Variants in B4GALT7 observed in about 807,000 individuals in gnomAD.
B4GALT7 encodes the protein UDP-Gal:beta-GlcNAc beta-1,4-galactosyltransferase 7.
In B4GALT7, 30 loss-of-function variants were observed where a neutral mutation model predicts 33.0. The observed-to-expected ratio is 0.91, with a 90% CI of 0.68 to 1.23. The LOEUF is 1.23. Among genes scored for constraint, B4GALT7 ranks in the 50% most tolerant of loss-of-function variants. The pLI, the probability that B4GALT7 is intolerant of heterozygous loss-of-function variation, is 0.00. For missense variants in B4GALT7, 507 were observed against 450.8 expected, an observed-to-expected ratio of 1.12 and a Z score of -1.13; for synonymous variants, 213 against 187.2, an observed-to-expected ratio of 1.14 and a Z score of -1.13.
Position 177,607,256 on chromosome 5 carries a change from G to T in B4GALT7, c.414-46G>T, listed in dbSNP as rs1384105610. 3.9e-5 allele frequency: 60 copies of T among 1,531,140 alleles called. 2 individuals carry two copies. Among genetic ancestry groups the T allele is most frequent in the Non-Finnish European group, 5.0e-5 (57 of 1,131,524 alleles). The allele number at this position is 1,531,140 out of a possible 1,614,324, so 94.8% of individuals were successfully genotyped here. A position where few individuals can be genotyped will look rare whatever the true frequency, so the allele number is the denominator to read the frequency against. On this transcript the variant is annotated intron_variant, in intron 2 of 5. Transcript: ENST00000029410. ...CCGGGTGGGTGCTGAGCCCCAGGCA[G>T]TGAGCCCGTGTGCTGCCCCTGCCCA...
chr5:177,608,912 T>A lies in B4GALT7; in HGVS notation c.726T>A (p.Leu242=), dbSNP rs367964168. 7.4e-6 allele frequency: 12 copies of A among 1,613,360 alleles called. No homozygotes were observed. Among genetic ancestry groups the A allele is most frequent in the Non-Finnish European group, 1.0e-5 (12 of 1,179,864 alleles). The change falls in exon 5 of 6, where the codon CTT becomes CTA. Residue 242 remains leucine, a splice_region_variant and synonymous_variant. Transcript: ENST00000029410. This position sits in a 1 kb window ranked among gnomAD's most constrained non-coding sequence, Gnocchi z 4.1. ...YRRIKGAGLQ[L]FRPSGITTGY... ...CCGACTTCCTTGGACCTCCCTAGCT[T>A]TTCCGCCCCTCGGGAATCACAACTG...
At chr5:177,604,024 C>T in intron 1 of B4GALT7, 155 bp from the exon 2 acceptor site, 1 of 1,094,512 alleles carries the variant, frequency 9.1e-7, no homozygotes, top group Non-Finnish European at 1.3e-6. Context: ...ATGGTAGTGG[C>T]ATGAGCAGAA....
In B4GALT7 at chr5:177,608,977, G is replaced by T. The variant is rs375644526; in HGVS notation, c.791G>T (p.Arg264Leu). Residue 264 changes from arginine to leucine, a missense_variant, in exon 5 of 6, where the codon CGG becomes CTG. Physicochemically the swap from Arg to Leu is moderately radical, Grantham distance 102. Transcript: ENST00000029410. This position sits in a 1 kb window ranked among gnomAD's most constrained non-coding sequence, Gnocchi z 4.1. Reference protein sequence around the residue: ...TFRHLHDPAWRKRDQKRIAAQ... With the variant: ...TFRHLHDPAWLKRDQKRIAAQ... ...CGCCACCTGCATGACCCAGCCTGGC[G>T]GAAGAGGGACCAGAAGCGCATCGCA... 1.2e-6 allele frequency: 2 copies of T among 1,613,060 alleles called. No individual in the cohort carries two copies.
chr5:177,609,868 C>T lies in B4GALT7; in HGVS notation c.*173C>T, dbSNP rs562539881. The T allele has an allele frequency of 7.3e-4, 585 of 800,168 alleles. 2 individuals carry two copies. The African/African-American group carries it at 8.8e-3, about 12-fold the overall frequency. The allele number at this position is 800,168 out of a possible 1,614,324, so 49.6% of individuals were successfully genotyped here. A position where few individuals can be genotyped will look rare whatever the true frequency, so the allele number is the denominator to read the frequency against. Reference sequence around the variant, plus strand: ...AAGGCAGGCTTGGGCTGGGCCAGGACACGTGGGGTGCCTGGGACGCTGCTT... The same window carrying T: ...AAGGCAGGCTTGGGCTGGGCCAGGATACGTGGGGTGCCTGGGACGCTGCTT... On this transcript the variant is annotated 3_prime_UTR_variant, in exon 6 of 6. Transcript: ENST00000029410.
rs929915440 is a variant in B4GALT7, at chr5:177,609,464, G to A, written c.829-76G>A. On this transcript the variant is annotated intron_variant, in intron 5 of 5. Coordinates refer to ENST00000029410, the MANE Select transcript of B4GALT7 (RefSeq NM_007255.3). ...TGGGGACCACAGGACCTCTGATGGC[G>A]AGGTTGTGTGGGGTCAGTGGGTAGC... 59 of 1,568,178 alleles carry A rather than the reference G, an allele frequency of 3.8e-5. No individual in the cohort carries two copies. The South Asian group carries it at 5.7e-4, about 15-fold the overall frequency.
At chr5:177,609,514 G>C in intron 5 of B4GALT7, 26 bp from the exon 6 acceptor site, 3 of 1,612,298 alleles carry the variant, frequency 1.9e-6, no homozygotes, top group Non-Finnish European at 2.5e-6. Context: ...CCCTGAGTCC[G>C]TGCTCTTTCC....
chr5:177,609,020 G>A lies in B4GALT7; in HGVS notation c.828+6G>A, dbSNP rs772709358. On this transcript the variant is annotated splice_donor_region_variant and intron_variant, in intron 5 of 5. Transcript: ENST00000029410. ...GCATCGCAGCTCAAAAACAGGTGCT[G>A]GCAGGGCTCCTCATTGGGGACAGAT... The A allele has an allele frequency of 1.2e-6, 2 of 1,608,390 alleles. No individual in the cohort carries two copies. Among genetic ancestry groups the A allele is most frequent in the Admixed American group, 1.7e-5 (1 of 60,018 alleles).
intron 2 of B4GALT7, among the ~76,000 whole-genome samples, chr5:177,604,758 A>G (rs968850428): frequency 2.0e-5 from 3 of 152,168 alleles, no homozygotes; most frequent in Non-Finnish European, 4.4e-5. Context: ...TACCAGGGCA[A>G]GAGGAGAAGC....
chr5:177,605,423 C>T (rs1207493834), intron 2 of B4GALT7, among the ~76,000 whole-genome samples: 1 of 152,258 alleles, frequency 6.6e-6, no homozygotes, highest in Non-Finnish European at 1.5e-5. Context: ...TTCCTCTGGT[C>T]TGTCCACTGC....
chr5:177,602,735 T>G, intron 1 of B4GALT7: 1 of 705,422 alleles, frequency 1.4e-6, no homozygotes, highest in Non-Finnish European at 1.7e-6. Flanking sequence ...GGCCAGGTCA[T>G]GGAGGGCTTT....
At chr5:177,607,694 G>A in intron 3 of B4GALT7, 167 bp downstream of exon 3, 2 of 682,058 alleles carry the variant, frequency 2.9e-6, no homozygotes, top group South Asian at 3.6e-5. Context: ...GAGCCAGTCA[G>A]CCGCAGCAGC....
intron 2 of B4GALT7, chr5:177,605,148 A>AC: frequency 2.5e-6 from 1 of 393,202 alleles, no homozygotes. Context: ...TTTCCCTGCC[A>AC]CCCTTCTTGT....
chr5:177,608,496 C>T lies in B4GALT7; in HGVS notation c.640-43C>T, dbSNP rs201915523. The T allele has an allele frequency of 1.9e-5, 30 of 1,562,686 alleles. No homozygotes were observed. Among genetic ancestry groups the T allele is most frequent in the South Asian group, 1.1e-4 (10 of 89,646 alleles). ...CGGTAGGAGACCAAAGGCCCCCCCC[C>T]CCGGGAAGATGGGCCGAGTGACGCT... On this transcript the variant is annotated intron_variant, in intron 3 of 5. Coordinates refer to ENST00000029410, the MANE Select transcript of B4GALT7 (RefSeq NM_007255.3). The surrounding 1 kb of genome is among the most constrained non-coding windows in gnomAD (Gnocchi z 4.1).
rs1233711967 is a variant in B4GALT7 at position 177,604,184 on chromosome 5, G to T, written c.56G>T (p.Gly19Val). Residue 19 changes from glycine to valine, a missense_variant, in exon 2 of 6, where the codon GGG (glycine) becomes GTG (valine). Coordinates refer to ENST00000029410, the MANE Select transcript of B4GALT7 (RefSeq NM_007255.3). ...AQLPWEDGRS[G>V]LLSGGLPRKC... Reference sequence around the variant, plus strand: ...CTGTCCCGCGCTTGCTCCAGGTCCGGGTTGCTCTCCGGCGGCCTCCCTCGG... The same window carrying T: ...CTGTCCCGCGCTTGCTCCAGGTCCGTGTTGCTCTCCGGCGGCCTCCCTCGG... The T allele has an allele frequency of 1.2e-6, 2 of 1,613,536 alleles. No individual in the cohort carries two copies. The highest frequency in any genetic ancestry group is 1.7e-6 in the Non-Finnish European group (2 of 1,179,942).
intron 2 of B4GALT7, 115 bp from the exon 3 acceptor site, chr5:177,607,187 A>G: frequency 1.2e-6 from 1 of 843,132 alleles, no homozygotes; most frequent in South Asian, 1.4e-5. Context: ...GGCTGAGTGA[A>G]GTCAGTGCTG....
In B4GALT7 at chr5:177,606,704, G is replaced by A. The variant is rs1581994566; in HGVS notation, c.414-598G>A. Reference sequence around the variant, plus strand: ...TGGCACCCATCTTACCCGAGTCAAAGCCCCGTCCTTCAGTGGCCCTTGGGC... The same window carrying A: ...TGGCACCCATCTTACCCGAGTCAAAACCCCGTCCTTCAGTGGCCCTTGGGC... On this transcript the variant is annotated intron_variant, in intron 2 of 5. Transcript: ENST00000029410. The surrounding 1 kb of genome is among the most constrained non-coding windows in gnomAD (Gnocchi z 4.2). 5.0e-6 allele frequency: 1 copy of A among 201,328 alleles called. No individual in the cohort carries two copies. Among genetic ancestry groups the A allele is most frequent in the Non-Finnish European group, 1.0e-5 (1 of 96,980 alleles). 12.5% of individuals were successfully genotyped at this position (201,328 alleles called of 1,614,324 possible). A position where few individuals can be genotyped will look rare whatever the true frequency, so the allele number is the denominator to read the frequency against.
At position 177,608,660 on chromosome 5, in the gene B4GALT7, G is replaced by A; in HGVS notation, c.723+38G>A. On this transcript the variant is annotated intron_variant, in intron 4 of 5. Coordinates refer to ENST00000029410, the MANE Select transcript of B4GALT7 (RefSeq NM_007255.3). The surrounding 1 kb of genome is among the most constrained non-coding windows in gnomAD (Gnocchi z 4.1). Reference sequence around the variant, plus strand: ...GGGCCCCGCCGCCACCTCAGCTGCGGTGGCTGCCCTGAGATTTTCTTCTGT... The same window carrying A: ...GGGCCCCGCCGCCACCTCAGCTGCGATGGCTGCCCTGAGATTTTCTTCTGT... The A allele has an allele frequency of 1.9e-6, 3 of 1,579,652 alleles. No homozygotes were observed. Among genetic ancestry groups the A allele is most frequent in the Non-Finnish European group, 2.6e-6 (3 of 1,151,550 alleles).
chr5:177,602,224 C>T (rs758679738), intron 1 of B4GALT7, among the ~76,000 whole-genome samples: 5 of 152,124 alleles, frequency 3.3e-5, no homozygotes, highest in Non-Finnish European at 5.9e-5. Context: ...GGTTTCCTAC[C>T]AGGCCACCTC....
At chr5:177,601,497 A>G (rs1012964892) in intron 1 of B4GALT7, 3 of 152,226 alleles carry the variant, frequency 2.0e-5, no homozygotes, top group African/African-American at 7.2e-5. Context: ...GAGACAAGAA[A>G]GGAAAGGTAA....
Sources: gnomAD v4.1 joint callset for allele counts (sites outside exome capture counted in the v4.1 genomes callset) on GRCh38, gnomAD v4.1.1 for gene constraint, Gnocchi (gnomAD v3.1) non-coding constraint, MANE v1.5 for transcripts, NCBI Gene and HGNC (gene_info 2026-07-23, HGNC 2026-07-21) for gene names.